The following DENND4A variants were observed in gnomAD, a reference collection of about 807,000 sequenced individuals.
The protein encoded by DENND4A is C-myc promoter-binding protein.
In DENND4A, 70 loss-of-function variants were observed where a neutral mutation model predicts 199.3. The observed-to-expected ratio is 0.35, with a 90% CI of 0.29 to 0.43. DENND4A has a LOEUF of 0.43. DENND4A is among the 20% of genes least tolerant of loss of function. The probability of loss-of-function intolerance (pLI) is 1.00; values close to 1 mark genes in which losing one functional copy is unlikely to be tolerated. For synonymous variants in DENND4A, 686 were observed against 766.9 expected (o/e 0.89, Z 1.74); for missense variants, 1,723 against 2,255.8 (o/e 0.76, Z 4.78).
At chr15:65,666,410 C>T (rs1407840933) in intron 29 of DENND4A, among the ~76,000 whole-genome samples, 6 of 152,124 alleles carry the variant, frequency 3.9e-5, no homozygotes, top group Admixed American at 3.9e-4. Flanking sequence ...AGCGTGGATA[C>T]ACCGAACAAA....
Position 65,738,791 on chromosome 15 carries a change from G to A in DENND4A, c.716C>T (p.Ala239Val). ...SVPLFCLPMG[A>V]TIECWPSNSK... ...ATTTGATGGCCAACATTCAATGGTT[G>A]CACCCATTGGTAAACAAAATAGAGG... The change falls in exon 6 of 33, where the codon GCA becomes GTA. Residue 239 changes from alanine (A) to valine (V), a missense_variant. Ala to Val is a moderately conservative substitution (Grantham distance 64). Around this residue, in one of 6 missense-constraint regions of DENND4A, gnomAD observed 725 missense variants for 952.9 expected, o/e 0.76. Transcript: ENST00000443035. 6.2e-7 allele frequency: 1 copy of A among 1,612,016 alleles called. No individual in the cohort carries two copies. Among genetic ancestry groups the A allele is most frequent in the Non-Finnish European group, 8.5e-7 (1 of 1,178,902 alleles).
chr15:65,675,171 G>C (rs1369870208), intron 24 of DENND4A, among the ~76,000 whole-genome samples: 1 of 152,150 alleles, frequency 6.6e-6, no homozygotes, highest in Non-Finnish European at 1.5e-5. Context: ...TGAGCTAAGA[G>C]TGTCTTTTAC....
intron 15 of DENND4A, among the ~76,000 whole-genome samples, chr15:65,703,973 T>A (rs2074959086): frequency 6.6e-6 from 1 of 152,348 alleles, no homozygotes; most frequent in South Asian, 2.1e-4. Flanking sequence ...GCACATAGTT[T>A]TAATTAAGAA....
intron 1 of DENND4A, among the ~76,000 whole-genome samples, chr15:65,783,156 A>C (rs2140980484): frequency 6.6e-6 from 1 of 152,350 alleles, no homozygotes; most frequent in Middle Eastern, 3.4e-3. Context: ...TAACTTTGGG[A>C]AACTTGAAAC....
chr15:65,690,388 A>G (rs1354232636), intron 23 of DENND4A, 27 bp downstream of exon 23: 17 of 1,531,232 alleles, frequency 1.1e-5, no homozygotes, highest in African/African-American at 2.8e-5. Context: ...TGTGACAGTA[A>G]AAGTAGCAAA....
At chr15:65,788,225 T>G (rs887761587) in intron 1 of DENND4A, among the ~76,000 whole-genome samples, 3 of 151,970 alleles carry the variant, frequency 2.0e-5, no homozygotes, top group Non-Finnish European at 4.4e-5. Flanking sequence ...TACAGGCGCC[T>G]GCCACCACGC....
intron 1 of DENND4A, among the ~76,000 whole-genome samples, chr15:65,764,417 G>C (rs905150098): frequency 6.6e-6 from 1 of 152,078 alleles, no homozygotes; most frequent in Non-Finnish European, 1.5e-5. Context: ...GATCACTTGA[G>C]ATCAGGGGTT....
intron 1 of DENND4A, among the ~76,000 whole-genome samples, chr15:65,785,022 G>A (rs930189285): frequency 4.6e-4 from 70 of 151,920 alleles, no homozygotes; most frequent in African/African-American, 1.7e-3. Flanking sequence ...GGTGGTGTAT[G>A]CCTGTAGTCC....
chr15:65,747,155 C>T (rs1404940855), intron 4 of DENND4A, among the ~76,000 whole-genome samples: 1 of 151,398 alleles, frequency 6.6e-6, no homozygotes, highest in Admixed American at 6.6e-5. Flanking sequence ...AGGAGATAGT[C>T]TCAAATTTGC....
chr15:65,706,506 ATATT>A lies in DENND4A; in HGVS notation c.1954-286_1954-283del, dbSNP rs1410199449. The stretch of plus-strand genomic sequence containing the variant: ...CACACACACACACACATATATATAT[ATATT>A]TTTTTTTGAGACAGTCTTGCTCTAT... On this transcript the variant is annotated intron_variant, in intron 14 of 32. Transcript: ENST00000443035. 8.9e-3 allele frequency among the ~76,000 whole-genome samples: 1,121 copies of A among 126,658 alleles called. 15 individuals carry two copies. Among genetic ancestry groups the A allele is most frequent in the African/African-American group, 0.028 (949 of 33,898 alleles). 83.1% of individuals were successfully genotyped at this position (126,658 alleles called of 152,430 possible).
Position 65,690,389 on chromosome 15 carries a change from A to T in DENND4A, c.4179+26T>A, listed in dbSNP as rs773031549. On this transcript the variant is annotated intron_variant, in intron 23 of 32. Transcript: ENST00000443035. ...GATGGATATGTGTGTGTGACAGTAAAAGTAGCAAATACTAACCAAACTTAC... is the reference window on the plus strand; with the variant it reads ...GATGGATATGTGTGTGTGACAGTAATAGTAGCAAATACTAACCAAACTTAC... 2.6e-6 allele frequency: 4 copies of T among 1,531,732 alleles called. No homozygotes were observed. The African/African-American group carries it at 5.5e-5, about 21-fold the overall frequency. The allele number at this position is 1,531,732 out of a possible 1,614,324, so 94.9% of individuals were successfully genotyped here. A position where few individuals can be genotyped will look rare whatever the true frequency, so the allele number is the denominator to read the frequency against.
chr15:65,719,487 C>A (rs948241909), intron 12 of DENND4A, among the ~76,000 whole-genome samples: 1 of 151,956 alleles, frequency 6.6e-6, no homozygotes, highest in Non-Finnish European at 1.5e-5. Flanking sequence ...ATCAAGTGAT[C>A]GAAGTGAATA....
rs554309674 is a variant in DENND4A, at chr15:65,763,837, C to A, written c.-101-2399G>T. On this transcript the variant is annotated intron_variant, in intron 1 of 32. Transcript: ENST00000443035. Reference sequence around the variant, plus strand: ...TTTTAAAATGAGGATGCCAAAAGTTCCCTGAAAAAATTTCAGGGAGTAAAT... The same window carrying A: ...TTTTAAAATGAGGATGCCAAAAGTTACCTGAAAAAATTTCAGGGAGTAAAT... 2.6e-3 allele frequency among the ~76,000 whole-genome samples: 399 copies of A among 152,014 alleles called. 1 individual carries two copies. Among genetic ancestry groups the A allele is most frequent in the African/African-American group, 8.8e-3 (363 of 41,452 alleles).
intron 1 of DENND4A, chr15:65,771,318 A>C: frequency 1.3e-6 from 2 of 1,589,318 alleles, no homozygotes; most frequent in Non-Finnish European, 1.7e-6. Flanking sequence ...TCTTTCCAGC[A>C]GTTATTTCGA....
chr15:65,688,692 TTC>T (rs2142051256), intron 23 of DENND4A, among the ~76,000 whole-genome samples: 1 of 152,348 alleles, frequency 6.6e-6, no homozygotes, highest in East Asian at 1.9e-4. Context: ...TTTCTCAGGC[TTC>T]TCTGTTCAGG....
chr15:65,680,532 TAC>T (rs1310504778), intron 23 of DENND4A: 3 of 152,202 alleles, frequency 2.0e-5, no homozygotes, highest in Non-Finnish European at 4.4e-5. Context: ...CTAATTAAAA[TAC>T]AGATTATGCA....
At chr15:65,752,350 A>G in intron 4 of DENND4A, 29 bp downstream of exon 4, 1 of 1,112,984 alleles carries the variant, frequency 9.0e-7, no homozygotes, top group Non-Finnish European at 1.2e-6. Context: ...ATCAGTGGTT[A>G]ATGTTACCAG....
intron 3 of DENND4A, among the ~76,000 whole-genome samples, chr15:65,755,735 C>T (rs1433356383): frequency 6.6e-6 from 1 of 152,158 alleles, no homozygotes; most frequent in African/African-American, 2.4e-5. Flanking sequence ...CATTGCACTC[C>T]AGCTGGGTGA....
chr15:65,773,676 TTGA>T (rs2077202628), intron 1 of DENND4A, among the ~76,000 whole-genome samples: 1 of 152,184 alleles, frequency 6.6e-6, no homozygotes, highest in Admixed American at 6.5e-5. Context: ...GGAAACATAT[TTGA>T]AAGATAACAG....
Sources: allele counts gnomAD v4.1 joint callset (sites outside exome capture counted in the v4.1 genomes callset), GRCh38; gene constraint gnomAD v4.1.1; regional missense constraint gnomAD v4.1.1; transcripts MANE v1.5; gene names NCBI Gene and HGNC (gene_info 2026-07-23, HGNC 2026-07-21).